IGF1R: variants seen among roughly 807,000 people sequenced by gnomAD.
IGF1R encodes the protein insulin like growth factor 1 receptor.
IGF1R carries 44 observed loss-of-function variants against 144.6 expected under a neutral mutation model. The ratio of observed to expected loss-of-function variants is 0.30; its 90% CI spans 0.24 to 0.39. The LOEUF (loss-of-function observed/expected upper bound fraction) is 0.39, where lower values mean the gene tolerates loss of function less well. Ranked by LOEUF, IGF1R falls within the 10% of genes least tolerant of loss-of-function variation. The pLI is 1.00. For missense variants in IGF1R, 1,355 were observed against 1,833.7 expected (o/e 0.74, Z 4.77); for synonymous variants, 795 against 722.8 (o/e 1.10, Z -1.60).
rs530041295 is a variant in IGF1R at position 98,716,194 on chromosome 15, A to G, written c.640+8087A>G. On this transcript the variant is annotated intron_variant, in intron 2 of 20. Transcript: ENST00000650285. ...TTTGAACTCGGGGGGCTTGCATCGG[A>G]CTACCTGTGCCGTTTCCTCAAACTC... is the stretch of plus-strand genomic sequence containing the variant. Among the ~76,000 whole-genome samples, 387 of 152,132 alleles carry G rather than the reference A, an allele frequency of 2.5e-3. 1 individual carries two copies. The highest frequency in any genetic ancestry group is 4.5e-3 in the Non-Finnish European group (308 of 67,962).
intron 2 of IGF1R, among the ~76,000 whole-genome samples, chr15:98,805,757 CT>C (rs958908341): frequency 2.0e-5 from 3 of 152,138 alleles, no homozygotes; most frequent in Admixed American, 2.0e-4. Context: ...TAAATTATTG[CT>C]TTTGTAAACG....
chr15:98,772,510 A>ATTATTATTG (rs60796484), intron 2 of IGF1R, among the ~76,000 whole-genome samples: 27,278 of 141,674 alleles, frequency 0.19, 2,939 homozygotes, highest in East Asian at 0.26. Flanking sequence ...TATTATTATT[A>ATTATTATTG]TTATTTTAAG....
intron 18 of IGF1R, among the ~76,000 whole-genome samples, chr15:98,940,735 C>T (rs534562311): frequency 6.6e-6 from 1 of 152,328 alleles, no homozygotes; most frequent in South Asian, 2.1e-4. Flanking sequence ...GGGTGAGTGT[C>T]TTTCTTTTTA....
intron 2 of IGF1R, among the ~76,000 whole-genome samples, chr15:98,728,263 A>G (rs2054413586): frequency 6.6e-6 from 1 of 152,100 alleles, no homozygotes; most frequent in Non-Finnish European, 1.5e-5. Context: ...GCCGCTGGCC[A>G]TCACAGATCC....
intron 2 of IGF1R, among the ~76,000 whole-genome samples, chr15:98,824,605 T>G (rs575328787): frequency 1.3e-5 from 2 of 152,352 alleles, no homozygotes; most frequent in Admixed American, 1.3e-4. Flanking sequence ...GCCATTAGGC[T>G]GGTTTTCTGA....
chr15:98,655,238 G>A (rs901160848), intron 1 of IGF1R, among the ~76,000 whole-genome samples: 1 of 152,036 alleles, frequency 6.6e-6, no homozygotes, highest in Non-Finnish European at 1.5e-5. Context: ...ATACTTCCTC[G>A]GCATGATGTT....
intron 13 of IGF1R, among the ~76,000 whole-genome samples, chr15:98,928,699 G>C (rs1337825193): frequency 6.6e-6 from 1 of 152,108 alleles, no homozygotes; most frequent in Non-Finnish European, 1.5e-5. Context: ...CATATGTGAA[G>C]TCCACTTTTC....
At chr15:98,942,545 C>T (rs2016404314) in intron 18 of IGF1R, among the ~76,000 whole-genome samples, 3 of 152,126 alleles carry the variant, frequency 2.0e-5, no homozygotes, top group Admixed American at 2.0e-4. Flanking sequence ...TGCTGTGTTG[C>T]CCAGGCTGAT....
intron 20 of IGF1R, among the ~76,000 whole-genome samples, chr15:98,952,371 G>A (rs533366981): frequency 6.6e-6 from 1 of 151,484 alleles, no homozygotes; most frequent in Admixed American, 6.6e-5. Flanking sequence ...ACTTTGAGCA[G>A]CGCAGCCACT....
rs960241065 is a variant in IGF1R at position 98,807,984 on chromosome 15, G to A, written c.641-83341G>A. 3.9e-5 allele frequency among the ~76,000 whole-genome samples: 6 copies of A among 152,306 alleles called. No homozygotes were observed. The South Asian group carries it at 1.2e-3, about 32-fold the overall frequency. On this transcript the variant is annotated intron_variant, in intron 2 of 20. Coordinates refer to ENST00000650285, the MANE Select transcript of IGF1R (RefSeq NM_000875.5). ...ATGATTGGAGTTTTTTCTGAGAACA[G>A]TTCCAATGAACATGATTTTTTGGTG...
At chr15:98,896,410 C>G (rs956584821) in intron 3 of IGF1R, among the ~76,000 whole-genome samples, 2 of 152,190 alleles carry the variant, frequency 1.3e-5, no homozygotes, top group Admixed American at 1.3e-4. Context: ...CCAGAACCCC[C>G]CAAGCTTCCT....
At chr15:98,654,602 G>C (rs1055370960) in intron 1 of IGF1R, among the ~76,000 whole-genome samples, 5 of 151,938 alleles carry the variant, frequency 3.3e-5, no homozygotes, top group Non-Finnish European at 7.4e-5. Flanking sequence ...TTTCTTTATA[G>C]GTTGTGATTT....
intron 2 of IGF1R, among the ~76,000 whole-genome samples, chr15:98,737,862 T>C (rs1389103244): frequency 1.3e-5 from 2 of 152,116 alleles, no homozygotes; most frequent in African/African-American, 4.8e-5. Flanking sequence ...CAGTCAGCCC[T>C]CTGGGTTTGT....
At chr15:98,917,052 G>C in intron 10 of IGF1R, 176 bp downstream of exon 10, 1 of 696,110 alleles carries the variant, frequency 1.4e-6, no homozygotes, top group Non-Finnish European at 2.6e-6. Context: ...GCGGAAGCCA[G>C]TCAGCCCTGA....
chr15:98,799,947 T>A (rs1224872985), intron 2 of IGF1R, among the ~76,000 whole-genome samples: 1 of 152,178 alleles, frequency 6.6e-6, no homozygotes, highest in African/African-American at 2.4e-5. Flanking sequence ...GCAACAAGAA[T>A]GGTTTTATTT....
intron 2 of IGF1R, among the ~76,000 whole-genome samples, chr15:98,888,652 G>T (rs963348748): frequency 2.6e-5 from 4 of 152,160 alleles, no homozygotes; most frequent in African/African-American, 9.7e-5. Flanking sequence ...AAATAGCCTG[G>T]AGTCATTGAG....
chr15:98,661,285 G>C (rs1434440949), intron 1 of IGF1R, among the ~76,000 whole-genome samples: 35 of 152,248 alleles, frequency 2.3e-4, no homozygotes, highest in Non-Finnish European at 4.4e-5. Context: ...TGCTGGTGAA[G>C]GCCTTTGACA....
At chr15:98,655,807 C>T (rs944654270) in intron 1 of IGF1R, among the ~76,000 whole-genome samples, 3 of 151,802 alleles carry the variant, frequency 2.0e-5, no homozygotes, top group Non-Finnish European at 2.9e-5. Flanking sequence ...CTGCCTTGAC[C>T]TCCCAGGCTC....
At position 98,930,216 on chromosome 15, in the gene IGF1R, A is replaced by C; in HGVS notation, c.2886-19A>C. 1 of 1,596,932 alleles carries C rather than the reference A, an allele frequency of 6.3e-7. No individual in the cohort carries two copies. The highest frequency in any genetic ancestry group is 8.6e-7 in the Non-Finnish European group (1 of 1,164,868). Reference sequence around the variant, plus strand: ...ATGGAGGTGGGGTTTTGTTAACGTGAATTTAATCTTTTTGACAGAAATAAC... The same window carrying C: ...ATGGAGGTGGGGTTTTGTTAACGTGCATTTAATCTTTTTGACAGAAATAAC... On this transcript the variant is annotated intron_variant, in intron 14 of 20. Transcript: ENST00000650285.
Sources: allele counts gnomAD v4.1 joint callset (sites outside exome capture counted in the v4.1 genomes callset), GRCh38; gene constraint gnomAD v4.1.1; transcripts MANE v1.5; gene names NCBI Gene and HGNC (gene_info 2026-07-23, HGNC 2026-07-21).